Variants in APBB1IP observed in about 807,000 individuals in gnomAD.
APBB1IP encodes the protein amyloid beta A4 precursor protein-binding family B member 1-interacting protein.
Under a neutral mutation model 64.9 loss-of-function variants are expected in APBB1IP, and 27 were observed. The observed-to-expected ratio is 0.42, with a 90% CI of 0.31 to 0.57. The LOEUF (loss-of-function observed/expected upper bound fraction) is 0.57. Among genes scored for constraint, APBB1IP ranks in the 20% least tolerant of loss-of-function variants. The probability of loss-of-function intolerance (pLI) is 0.20; values close to 1 mark genes in which losing one functional copy is unlikely to be tolerated. For synonymous variants in APBB1IP, 392 were observed against 331.0 expected (o/e 1.18, Z -2.00); for missense variants, 812 against 845.5 (o/e 0.96, Z 0.49).
chr10:26,461,213 G>A lies in APBB1IP; in HGVS notation c.-1+22360G>A, dbSNP rs1213868600. On this transcript the variant is annotated intron_variant, in intron 2 of 14. Coordinates refer to ENST00000376236, the MANE Select transcript of APBB1IP (RefSeq NM_019043.4). ...GAAGGGAAGGAGGGAGGGAAGGAAG[G>A]AAGGAAAAACTTTTTTTCTTATATG... 2.0e-5 allele frequency among the ~76,000 whole-genome samples: 3 copies of A among 152,136 alleles called. No homozygotes were observed. The East Asian group carries it at 5.8e-4, about 29-fold the overall frequency.
At chr10:26,539,979 C>T (rs966577003) in intron 10 of APBB1IP, among the ~76,000 whole-genome samples, 4 of 152,116 alleles carry the variant, frequency 2.6e-5, no homozygotes, top group Admixed American at 6.5e-5. Flanking sequence ...CGCCTGGGAG[C>T]TTGGAATAGA....
chr10:26,552,867 G>C (rs1836849285), intron 11 of APBB1IP, among the ~76,000 whole-genome samples: 1 of 151,964 alleles, frequency 6.6e-6, no homozygotes, highest in African/African-American at 2.4e-5. Context: ...TCTTTTCCTT[G>C]GGCCACAGAC....
At chr10:26,514,972 G>T (rs1836306122) in intron 8 of APBB1IP, among the ~76,000 whole-genome samples, 1 of 151,688 alleles carries the variant, frequency 6.6e-6, no homozygotes. Context: ...CCCGGGTTCA[G>T]GTGATTCCCC....
chr10:26,566,841 T>A, intron 14 of APBB1IP, 120 bp from the exon 15 acceptor site: 1 of 1,154,348 alleles, frequency 8.7e-7, no homozygotes, highest in South Asian at 1.5e-5. Context: ...TAAGTCCAGA[T>A]CGCGCCACTG....
At chr10:26,452,515 T>A (rs1251345793) in intron 2 of APBB1IP, among the ~76,000 whole-genome samples, 2 of 152,204 alleles carry the variant, frequency 1.3e-5, no homozygotes, top group Admixed American at 1.3e-4. Flanking sequence ...CAGAAGACAA[T>A]GTAGTTATCT....
At chr10:26,458,160 G>A (rs1835549137) in intron 2 of APBB1IP, among the ~76,000 whole-genome samples, 2 of 152,186 alleles carry the variant, frequency 1.3e-5, no homozygotes, top group Admixed American at 1.3e-4. Context: ...GGCCAAGGTC[G>A]GTGGATCACT....
intron 2 of APBB1IP, among the ~76,000 whole-genome samples, chr10:26,457,797 G>A (rs1033047631): frequency 1.3e-5 from 2 of 152,300 alleles, no homozygotes; most frequent in Non-Finnish European, 2.9e-5. Context: ...GCTTCCCTCT[G>A]AAGCAATATC....
In APBB1IP at chr10:26,567,224, C is replaced by G; in HGVS notation, c.1737C>G (p.Pro579=). ...CGCCCCCGGACTTCATGGAGCCGCC[C>G]CCAGACTTCGTGCCCCCGCCCCCGC... ...PPPPPDFMEP[P]PDFVPPPPPS... The change falls in exon 15 of 15, where the codon CCC becomes CCG. Residue 579 remains proline, a synonymous_variant. Transcript: ENST00000376236. 7.3e-7 allele frequency: 1 copy of G among 1,370,466 alleles called. No homozygotes were observed. The allele number at this position is 1,370,466 out of a possible 1,614,324, so 84.9% of individuals were successfully genotyped here.
intron 5 of APBB1IP, among the ~76,000 whole-genome samples, chr10:26,502,169 A>G (rs1836111050): frequency 6.6e-6 from 1 of 152,242 alleles, no homozygotes; most frequent in Non-Finnish European, 1.5e-5. Context: ...ATACATGCCT[A>G]TATTCAAGTA....
chr10:26,499,675 A>G (rs1199631606), intron 4 of APBB1IP, among the ~76,000 whole-genome samples: 1 of 152,078 alleles, frequency 6.6e-6, no homozygotes, highest in Non-Finnish European at 1.5e-5. Flanking sequence ...ACACCACCCC[A>G]ACTACACCAC....
At chr10:26,505,044 C>T (rs1836157456) in intron 6 of APBB1IP, among the ~76,000 whole-genome samples, 1 of 152,184 alleles carries the variant, frequency 6.6e-6, no homozygotes, top group Non-Finnish European at 1.5e-5. Flanking sequence ...GTGTGAGCCA[C>T]CATGCCTGGC....
At chr10:26,559,610 ATTTC>A (rs1337499338) in intron 11 of APBB1IP, among the ~76,000 whole-genome samples, 8 of 149,636 alleles carry the variant, frequency 5.3e-5, no homozygotes, top group Non-Finnish European at 1.0e-4. Context: ...CATAAAACAA[ATTTC>A]TTTCTTTCTT....
chr10:26,492,781 G>A (rs566818630), intron 3 of APBB1IP, among the ~76,000 whole-genome samples: 2 of 152,264 alleles, frequency 1.3e-5, no homozygotes, highest in African/African-American at 2.4e-5. Flanking sequence ...AAATGGGCAG[G>A]GCAAGGTCAC....
intron 11 of APBB1IP, among the ~76,000 whole-genome samples, chr10:26,554,923 A>G (rs1484011104): frequency 6.6e-6 from 1 of 152,092 alleles, no homozygotes; most frequent in Non-Finnish European, 1.5e-5. Flanking sequence ...TTTCATCAGG[A>G]TGACTTCATC....
At chr10:26,503,863 T>C (rs1836137331) in intron 6 of APBB1IP, among the ~76,000 whole-genome samples, 1 of 152,176 alleles carries the variant, frequency 6.6e-6, no homozygotes, top group South Asian at 2.1e-4. Context: ...TGAATTTTCC[T>C]GGGAGCTGGA....
chr10:26,506,078 C>A (rs762996668), intron 6 of APBB1IP, among the ~76,000 whole-genome samples: 1 of 152,178 alleles, frequency 6.6e-6, no homozygotes. Context: ...TTTGCAGGTC[C>A]TCTGCCTCTT....
At chr10:26,560,253 C>T (rs778419253) in intron 12 of APBB1IP, 50 bp downstream of exon 12, 1 of 1,541,554 alleles carries the variant, frequency 6.5e-7, no homozygotes, top group South Asian at 1.1e-5. Flanking sequence ...CAGCCAACTT[C>T]CTGACCTGGG....
intron 2 of APBB1IP, among the ~76,000 whole-genome samples, chr10:26,465,864 T>A (rs886860788): frequency 6.6e-6 from 1 of 152,212 alleles, no homozygotes; most frequent in African/African-American, 2.4e-5. Flanking sequence ...CAGATGCAGG[T>A]GCCCTGGAAA....
intron 11 of APBB1IP, among the ~76,000 whole-genome samples, chr10:26,551,899 A>G (rs1836834847): frequency 6.7e-6 from 1 of 150,288 alleles, no homozygotes; most frequent in South Asian, 2.1e-4. Context: ...GGATAGATTA[A>G]TGGATGGGTG....
Sources: gnomAD v4.1 joint callset for allele counts (sites outside exome capture counted in the v4.1 genomes callset) on GRCh38, gnomAD v4.1.1 for gene constraint, MANE v1.5 for transcripts, NCBI Gene and HGNC (gene_info 2026-07-23, HGNC 2026-07-21) for gene names.